The following SLC4A4 variants were observed in gnomAD, a reference collection of about 807,000 sequenced individuals.
The protein encoded by SLC4A4 is solute carrier family 4 member 4, also known as electrogenic sodium bicarbonate cotransporter 1.
In SLC4A4, 27 loss-of-function variants were observed where a neutral mutation model predicts 111.5. The observed-to-expected ratio is 0.24, with a 90% CI of 0.18 to 0.33. SLC4A4 has a LOEUF of 0.33. SLC4A4 is among the 10% of genes least tolerant of loss of function. SLC4A4 has a pLI of 1.00. For synonymous variants in SLC4A4, 443 were observed against 463.4 expected, an observed-to-expected ratio of 0.96 and a Z score of 0.57; for missense variants, 909 against 1,315.5, an observed-to-expected ratio of 0.69 and a Z score of 4.78.
At chr4:71,285,193 G>A (rs1353245512) in intron 3 of SLC4A4, among the ~76,000 whole-genome samples, 1 of 152,076 alleles carries the variant, frequency 6.6e-6, no homozygotes, top group East Asian at 1.9e-4. Flanking sequence ...AAGTTAGTAG[G>A]GCATAGGGTT....
intron 2 of SLC4A4, among the ~76,000 whole-genome samples, chr4:71,167,879 T>C (rs1057178421): frequency 1.3e-5 from 2 of 152,186 alleles, no homozygotes; most frequent in Non-Finnish European, 1.5e-5. Flanking sequence ...CTCCAAAATG[T>C]CTTTCAAATT....
chr4:71,225,709 G>C (rs1359555468), intron 1 of SLC4A4, among the ~76,000 whole-genome samples: 2 of 152,144 alleles, frequency 1.3e-5, no homozygotes, highest in Non-Finnish European at 1.5e-5. Flanking sequence ...TCAGGGGGCT[G>C]TACATGATCA....
intron 2 of SLC4A4, among the ~76,000 whole-genome samples, chr4:71,098,563 TG>T (rs1742626242): frequency 6.6e-6 from 1 of 152,086 alleles, no homozygotes; most frequent in Admixed American, 6.6e-5. Flanking sequence ...AAAAAGAAAC[TG>T]GCATAATAAC....
chr4:71,395,886 C>G (rs925421604), intron 6 of SLC4A4, among the ~76,000 whole-genome samples: 1 of 152,168 alleles, frequency 6.6e-6, no homozygotes, highest in African/African-American at 2.4e-5. Context: ...ATTGCTAAGG[C>G]TTCATTGCTT....
intron 4 of SLC4A4, among the ~76,000 whole-genome samples, chr4:71,339,830 C>A (rs890886352): frequency 6.6e-6 from 1 of 151,588 alleles, no homozygotes; most frequent in Non-Finnish European, 1.5e-5. Flanking sequence ...ACTCAGGTAC[C>A]CAAAAATGAC....
At chr4:71,462,415 C>CTTTTTTT (rs869306669) in intron 12 of SLC4A4, among the ~76,000 whole-genome samples, 1 of 121,892 alleles carries the variant, frequency 8.2e-6, no homozygotes, top group Non-Finnish European at 1.7e-5. Flanking sequence ...ACCTCCTCAT[C>CTTTTTTT]TTTTTTTTTT....
intron 1 of SLC4A4, among the ~76,000 whole-genome samples, chr4:71,206,865 G>A (rs1255017690): frequency 6.6e-6 from 1 of 151,756 alleles, no homozygotes; most frequent in Non-Finnish European, 1.5e-5. Context: ...TTGGTTTGGG[G>A]TTTCATTTCC....
chr4:71,247,369 T>C (rs1300350387), intron 2 of SLC4A4, among the ~76,000 whole-genome samples: 2 of 149,264 alleles, frequency 1.3e-5, no homozygotes, highest in Non-Finnish European at 3.0e-5. Context: ...TATTTATATA[T>C]TATATTAAAT....
chr4:71,476,706 T>C (rs1577995925), intron 14 of SLC4A4, among the ~76,000 whole-genome samples: 1 of 151,764 alleles, frequency 6.6e-6, no homozygotes, highest in Non-Finnish European at 1.5e-5. Flanking sequence ...AATGCACTTT[T>C]TTCTCCATTC....
chr4:71,188,650 CT>C lies in SLC4A4; in HGVS notation c.-2+1259del, dbSNP rs552341302. On this transcript the variant is annotated intron_variant, in intron 1 of 25. Transcript: ENST00000264485. ...TTAAAGTGTACATTGCTCATTTGGG[CT>C]TTTTTTTTTCATTGTGATTTCAGTA... 5.2e-3 allele frequency among the ~76,000 whole-genome samples: 769 copies of C among 147,406 alleles called. 9 individuals are homozygous for C. The highest frequency in any genetic ancestry group is 0.018 in the African/African-American group (710 of 40,176).
intron 1 of SLC4A4, among the ~76,000 whole-genome samples, chr4:71,227,488 A>G (rs1719128144): frequency 6.6e-6 from 1 of 152,158 alleles, no homozygotes; most frequent in South Asian, 2.1e-4. Flanking sequence ...GCCATCCTAC[A>G]CTCACATCAA....
intron 1 of SLC4A4, among the ~76,000 whole-genome samples, chr4:71,073,919 A>G (rs1180516191): frequency 6.6e-6 from 1 of 152,052 alleles, no homozygotes; most frequent in Non-Finnish European, 1.5e-5. Flanking sequence ...ACCTGTCTCT[A>G]CAAAAAAATA....
At chr4:71,139,695 T>A (rs1036537733) in intron 2 of SLC4A4, among the ~76,000 whole-genome samples, 3 of 152,202 alleles carry the variant, frequency 2.0e-5, no homozygotes, top group Non-Finnish European at 4.4e-5. Flanking sequence ...TTTCCTTATT[T>A]CAATTTTATT....
At chr4:71,302,268 T>A (rs1235071673) in intron 3 of SLC4A4, among the ~76,000 whole-genome samples, 4 of 152,214 alleles carry the variant, frequency 2.6e-5, no homozygotes, top group Non-Finnish European at 5.9e-5. Flanking sequence ...AATGATTTTT[T>A]AAAAATCTTG....
intron 3 of SLC4A4, among the ~76,000 whole-genome samples, chr4:71,317,453 G>T (rs1396991447): frequency 6.6e-6 from 1 of 152,060 alleles, no homozygotes; most frequent in Non-Finnish European, 1.5e-5. Flanking sequence ...GAATAGAAGG[G>T]ATGGCTTGTT....
At chr4:71,250,931 G>C (rs1358749129) in intron 2 of SLC4A4, among the ~76,000 whole-genome samples, 1 of 152,130 alleles carries the variant, frequency 6.6e-6, no homozygotes, top group Admixed American at 6.5e-5. Context: ...TTTTGCACCT[G>C]TACAATGGGG....
rs1326619944 is a variant in SLC4A4 at position 71,570,350 on chromosome 4, A to T, written c.*2599A>T. On this transcript the variant is annotated 3_prime_UTR_variant, in exon 26 of 26. Transcript: ENST00000264485. ...TACATTTGCTAAACAGACAGTTAAT[A>T]TCAAATCCTTTCAATATTCTGGGAA... is the stretch of plus-strand genomic sequence containing the variant. 1 of 152,136 alleles carries T rather than the reference A, an allele frequency of 6.6e-6. No individual in the cohort carries two copies. The highest frequency in any genetic ancestry group is 1.9e-4 in the East Asian group (1 of 5,144). 9.4% of individuals were successfully genotyped at this position (152,136 alleles called of 1,614,324 possible).
In SLC4A4 at chr4:71,227,226, T is replaced by A. The variant is rs1318319175; in HGVS notation, c.-1-9350T>A. Among the ~76,000 whole-genome samples, 5 of 152,168 alleles carry A rather than the reference T, an allele frequency of 3.3e-5. No individual in the cohort carries two copies. The East Asian group carries it at 9.7e-4, about 29-fold the overall frequency. On this transcript the variant is annotated intron_variant, in intron 1 of 25. Transcript: ENST00000264485. Reference sequence around the variant, plus strand: ...GGGTTAACTAAGATGATATATTAATTAGAGGAAATAGCATGTACACGAAGG... The same window carrying A: ...GGGTTAACTAAGATGATATATTAATAAGAGGAAATAGCATGTACACGAAGG...
At chr4:71,085,660 G>A (rs1742142848) in intron 1 of SLC4A4, among the ~76,000 whole-genome samples, 2 of 152,016 alleles carry the variant, frequency 1.3e-5, no homozygotes, top group Admixed American at 6.6e-5. Flanking sequence ...TATTAAATAG[G>A]GAATCCTTTC....
Sources: allele counts gnomAD v4.1 joint callset (sites outside exome capture counted in the v4.1 genomes callset), GRCh38; gene constraint gnomAD v4.1.1; transcripts MANE v1.5; gene names NCBI Gene and HGNC (gene_info 2026-07-23, HGNC 2026-07-21).